Variants in TBC1D5 observed in about 807,000 individuals in gnomAD.
TBC1D5 encodes the protein TBC1 domain family member 5.
Under a neutral mutation model 100.3 loss-of-function variants are expected in TBC1D5, and 75 were observed. The observed-to-expected ratio is 0.75, with a 90% CI of 0.62 to 0.91. TBC1D5 has a LOEUF of 0.91. TBC1D5 is among the 40% of genes least tolerant of loss of function. The pLI is 0.00. For synonymous variants in TBC1D5, 323 were observed against 325.6 expected (o/e 0.99, Z 0.09); for missense variants, 910 against 942.4 (o/e 0.97, Z 0.45).
chr3:17,254,115 G>A (rs78322804), intron 16 of TBC1D5, among the ~76,000 whole-genome samples: 4 of 152,302 alleles, frequency 2.6e-5, no homozygotes, highest in Non-Finnish European at 4.4e-5. Flanking sequence ...CTTGTTGATG[G>A]AGATTGGGTT....
chr3:17,589,727 G>C (rs2096754368), intron 2 of TBC1D5, among the ~76,000 whole-genome samples: 1 of 152,110 alleles, frequency 6.6e-6, no homozygotes, highest in Non-Finnish European at 1.5e-5. Flanking sequence ...TGCCCCATCA[G>C]GCATTTCAGT....
chr3:17,627,169 T>A (rs2063127002), intron 1 of TBC1D5, among the ~76,000 whole-genome samples: 1 of 151,840 alleles, frequency 6.6e-6, no homozygotes, highest in Non-Finnish European at 1.5e-5. Context: ...ATATAATGGG[T>A]AAGAGAGAAC....
At chr3:17,262,966 C>T (rs1213104390) in intron 15 of TBC1D5, among the ~76,000 whole-genome samples, 1 of 151,934 alleles carries the variant, frequency 6.6e-6, no homozygotes, top group Non-Finnish European at 1.5e-5. Flanking sequence ...GTGGTTCATG[C>T]CTGTAATCCC....
At chr3:17,309,395 G>T (rs533507094) in intron 13 of TBC1D5, among the ~76,000 whole-genome samples, 1 of 151,876 alleles carries the variant, frequency 6.6e-6, no homozygotes, top group South Asian at 2.1e-4. Context: ...CAATTTTTCA[G>T]TATAAAAAAT....
intron 3 of TBC1D5, among the ~76,000 whole-genome samples, chr3:17,430,498 C>CA (rs1001473309): frequency 6.7e-5 from 10 of 149,652 alleles, no homozygotes; most frequent in Admixed American, 1.3e-4. Flanking sequence ...TTTCAAGGTG[C>CA]AAAAAAATGG....
chr3:17,221,522 T>C (rs2074286030), intron 17 of TBC1D5, among the ~76,000 whole-genome samples: 1 of 151,958 alleles, frequency 6.6e-6, no homozygotes, highest in Admixed American at 6.6e-5. Flanking sequence ...AAGAATGAGC[T>C]AGAGAGAACG....
chr3:17,427,839 G>A (rs889054040), intron 4 of TBC1D5, among the ~76,000 whole-genome samples: 4 of 151,864 alleles, frequency 2.6e-5, no homozygotes, highest in Non-Finnish European at 1.5e-5. Flanking sequence ...CCAGATACAA[G>A]GTACAAATTT....
At chr3:17,599,404 C>G (rs879694099) in intron 2 of TBC1D5, among the ~76,000 whole-genome samples, 1 of 152,124 alleles carries the variant, frequency 6.6e-6, no homozygotes, top group Admixed American at 6.6e-5. Context: ...TGGGGATGAT[C>G]AGAGTTTGGC....
At chr3:17,182,514 A>G (rs1000422636) in intron 19 of TBC1D5, among the ~76,000 whole-genome samples, 1 of 152,206 alleles carries the variant, frequency 6.6e-6, no homozygotes, top group African/African-American at 2.4e-5. Flanking sequence ...AGCTGCTTTA[A>G]AAGTTGCTGT....
intron 15 of TBC1D5, among the ~76,000 whole-genome samples, chr3:17,288,799 G>A (rs2081419864): frequency 6.6e-6 from 1 of 152,164 alleles, no homozygotes; most frequent in South Asian, 2.1e-4. Flanking sequence ...AGGACCAGAA[G>A]TAGGGATCCA....
At chr3:17,496,799 C>T (rs1377078856) in intron 3 of TBC1D5, among the ~76,000 whole-genome samples, 2 of 152,152 alleles carry the variant, frequency 1.3e-5, no homozygotes, top group East Asian at 3.8e-4. Context: ...GCTATCATTC[C>T]TATCCTTGAG....
intron 3 of TBC1D5, among the ~76,000 whole-genome samples, chr3:17,483,838 C>A (rs2150367317): frequency 6.6e-6 from 1 of 152,156 alleles, no homozygotes; most frequent in East Asian, 1.9e-4. Flanking sequence ...TGCCTGACAG[C>A]TGTAAAAAAT....
At chr3:17,296,564 A>G (rs1475744082) in intron 14 of TBC1D5, among the ~76,000 whole-genome samples, 1 of 152,248 alleles carries the variant, frequency 6.6e-6, no homozygotes, top group Non-Finnish European at 1.5e-5. Flanking sequence ...ATAAATAGAA[A>G]CAACAAAATT....
intron 15 of TBC1D5, among the ~76,000 whole-genome samples, chr3:17,286,233 T>C (rs1231160646): frequency 6.6e-6 from 1 of 152,202 alleles, no homozygotes; most frequent in Non-Finnish European, 1.5e-5. Flanking sequence ...TGCTAAAGGG[T>C]AAAAACAGAT....
chr3:17,509,029 T>C (rs1354803047), intron 2 of TBC1D5, among the ~76,000 whole-genome samples: 1 of 152,146 alleles, frequency 6.6e-6, no homozygotes, highest in Non-Finnish European at 1.5e-5. Context: ...AGTGTTAACA[T>C]TTCAGTGTAT....
chr3:17,182,452 G>A (rs2068558346), intron 19 of TBC1D5, among the ~76,000 whole-genome samples: 1 of 152,182 alleles, frequency 6.6e-6, no homozygotes, highest in Non-Finnish European at 1.5e-5. Context: ...AGTGCTGATT[G>A]AAAGACCAAA....
At chr3:17,340,340 G>C (rs1386711311) in intron 13 of TBC1D5, among the ~76,000 whole-genome samples, 3 of 152,174 alleles carry the variant, frequency 2.0e-5, no homozygotes, top group Admixed American at 1.3e-4. Context: ...ACCACATTGG[G>C]CCAGTGGGGT....
At chr3:17,291,200 A>G (rs1209582948) in intron 15 of TBC1D5, among the ~76,000 whole-genome samples, 3 of 152,352 alleles carry the variant, frequency 2.0e-5, no homozygotes, top group Admixed American at 6.5e-5. Context: ...TACTTCTTCC[A>G]ATATTTTTGT....
chr3:17,370,022 T>G (rs929860528), intron 13 of TBC1D5, among the ~76,000 whole-genome samples: 2 of 152,158 alleles, frequency 1.3e-5, no homozygotes, highest in Non-Finnish European at 2.9e-5. Context: ...AGAATAATTA[T>G]GTCATGGATC....
Sources: allele counts gnomAD v4.1 joint callset (sites outside exome capture counted in the v4.1 genomes callset), GRCh38; gene constraint gnomAD v4.1.1; transcripts MANE v1.5; gene names NCBI Gene and HGNC (gene_info 2026-07-23, HGNC 2026-07-21).